The following CCNY variants were observed in gnomAD, a reference collection of about 807,000 sequenced individuals.
The protein encoded by CCNY is cyclin-Y.
A neutral mutation model predicts 42.8 loss-of-function variants in CCNY; 19 were observed. That is an observed-to-expected ratio of 0.44 (90% confidence interval 0.31 to 0.65). The LOEUF is 0.65. CCNY is among the 30% of genes least tolerant of loss of function. The pLI, the probability that CCNY is intolerant of heterozygous loss-of-function variation, is 0.07. For synonymous variants in CCNY, 165 were observed against 162.7 expected (o/e 1.01, Z -0.11); for missense variants, 370 against 437.3 (o/e 0.85, Z 1.37).
At position 35,435,401 on chromosome 10, in the gene CCNY, G is replaced by A. The variant is rs535448590; in HGVS notation, c.155-48003G>A. On this transcript the variant is annotated intron_variant, in intron 1 of 9. Transcript: ENST00000374704. ...TGTAAGGGATTAAGCCCAATGTGTG[G>A]AATAAACCTGCCCCATACCCTTGGG... 2.0e-5 allele frequency among the ~76,000 whole-genome samples: 3 copies of A among 152,312 alleles called. No homozygotes were observed. The South Asian group carries it at 6.2e-4, about 32-fold the overall frequency.
chr10:35,546,861 T>C (rs926991497), intron 7 of CCNY, among the ~76,000 whole-genome samples: 2 of 152,168 alleles, frequency 1.3e-5, no homozygotes, highest in Non-Finnish European at 2.9e-5. Flanking sequence ...ATAGTCAGCT[T>C]TTTGTATTGA....
In CCNY at chr10:35,337,005, C is replaced by A; in HGVS notation, c.-49C>A. On this transcript the variant is annotated 5_prime_UTR_variant, in exon 1 of 10. Coordinates refer to ENST00000374704, the MANE Select transcript of CCNY (RefSeq NM_145012.6). ...CCCGCGTCCACCCGCGCCCCGCTCC[C>A]GGGGACTGGGAGAACAGGATAGCAG... 1.5e-6 allele frequency: 2 copies of A among 1,368,314 alleles called. No homozygotes were observed. Among genetic ancestry groups the A allele is most frequent in the African/African-American group, 3.0e-5 (2 of 67,712 alleles). 84.8% of individuals were successfully genotyped at this position (1,368,314 alleles called of 1,614,324 possible).
At chr10:35,330,610 T>C (rs941257701) in intron 3 of CCNY, among the ~76,000 whole-genome samples, 1 of 152,226 alleles carries the variant, frequency 6.6e-6, no homozygotes, top group Non-Finnish European at 1.5e-5. Flanking sequence ...ACACACAGTT[T>C]ATTTCTCTCA....
At chr10:35,534,397 C>T (rs1840836499) in intron 7 of CCNY, among the ~76,000 whole-genome samples, 1 of 152,096 alleles carries the variant, frequency 6.6e-6, no homozygotes, top group African/African-American at 2.4e-5. Context: ...CTTGATTGAG[C>T]ATTCCGTGTG....
intron 9 of CCNY, among the ~76,000 whole-genome samples, chr10:35,568,543 A>T (rs1348370089): frequency 6.6e-6 from 1 of 152,212 alleles, no homozygotes; most frequent in Non-Finnish European, 1.5e-5. Context: ...TCTAGAGGTG[A>T]CTTAAGTCCT....
At chr10:35,380,684 C>T (rs1393747491) in intron 1 of CCNY, among the ~76,000 whole-genome samples, 1 of 152,146 alleles carries the variant, frequency 6.6e-6, no homozygotes, top group Admixed American at 6.5e-5. Context: ...TATTTCCTCT[C>T]TTGAAGATGA....
intron 3 of CCNY, among the ~76,000 whole-genome samples, chr10:35,302,612 G>A (rs1048467580): frequency 2.6e-5 from 4 of 151,918 alleles, no homozygotes; most frequent in African/African-American, 9.7e-5. Context: ...CGCCCGCCCC[G>A]ACATGTTAAT....
rs1398561922 is a variant in CCNY, at chr10:35,258,148, G to A, written c.-9+7522G>A. On this transcript the variant is annotated intron_variant, in intron 3 of 11. Coordinates refer to the CCNY transcript ENST00000374706. ...TGCACTCCAGCCTGGGCGACAGAGTGAGACTCTGTCTCTAAATAAATAAAT... is the reference window on the plus strand; with the variant it reads ...TGCACTCCAGCCTGGGCGACAGAGTAAGACTCTGTCTCTAAATAAATAAAT... Among the ~76,000 whole-genome samples, 3 of 152,274 alleles carry A rather than the reference G, an allele frequency of 2.0e-5. No individual in the cohort carries two copies. In the East Asian group the frequency reaches 5.8e-4, roughly 29 times the overall value.
Position 35,488,123 on chromosome 10 carries a change from C to T in CCNY, c.229+4645C>T, listed in dbSNP as rs148221974. 6.8e-4 allele frequency among the ~76,000 whole-genome samples: 103 copies of T among 152,304 alleles called. No homozygotes were observed. In the East Asian group the frequency reaches 0.018, roughly 27 times the overall value. ...CTAAGTTTGCGGAATCTGTGTTTCTCAGGAGTCCCTTGAAATAATTAAAGG... is the reference window on the plus strand; with the variant it reads ...CTAAGTTTGCGGAATCTGTGTTTCTTAGGAGTCCCTTGAAATAATTAAAGG... On this transcript the variant is annotated intron_variant, in intron 2 of 9. Transcript: ENST00000374704.
intron 1 of CCNY, among the ~76,000 whole-genome samples, chr10:35,431,561 C>T (rs909862735): frequency 2.0e-5 from 3 of 150,924 alleles, no homozygotes; most frequent in Non-Finnish European, 4.4e-5. Context: ...TTGCTCTAAC[C>T]TTTGAATTCT....
At chr10:35,367,830 C>G (rs1284720515) in intron 1 of CCNY, among the ~76,000 whole-genome samples, 1 of 152,216 alleles carries the variant, frequency 6.6e-6, no homozygotes, top group Non-Finnish European at 1.5e-5. Context: ...TGAAATATTT[C>G]GTTTAACAAA....
intron 3 of CCNY, among the ~76,000 whole-genome samples, chr10:35,304,305 T>G (rs564815742): frequency 1.9e-5 from 1 of 51,552 alleles, no homozygotes; most frequent in East Asian, 5.4e-4. Flanking sequence ...TTTTTTTTTT[T>G]TTTTTATTTT....
chr10:35,381,645 A>T (rs931011179), intron 1 of CCNY, among the ~76,000 whole-genome samples: 1 of 152,132 alleles, frequency 6.6e-6, no homozygotes, highest in African/African-American at 2.4e-5. Context: ...AGCCCTAAAC[A>T]CATGGGGATT....
At chr10:35,494,243 C>CCCA (rs1839962391) in intron 2 of CCNY, among the ~76,000 whole-genome samples, 1 of 145,916 alleles carries the variant, frequency 6.9e-6, no homozygotes, top group Non-Finnish European at 1.5e-5. Context: ...GACCCCCCCC[C>CCCA]CCATTTCTAC....
chr10:35,496,732 G>A (rs942442246), intron 2 of CCNY, among the ~76,000 whole-genome samples: 1 of 152,196 alleles, frequency 6.6e-6, no homozygotes, highest in African/African-American at 2.4e-5. Flanking sequence ...GCCTACCTAT[G>A]ACAGGAATCA....
intron 3 of CCNY, among the ~76,000 whole-genome samples, chr10:35,277,109 T>C (rs1293505908): frequency 6.6e-6 from 1 of 152,172 alleles, no homozygotes; most frequent in Non-Finnish European, 1.5e-5. Context: ...TGTGCTCTCT[T>C]TCTTCCCTTG....
At chr10:35,542,162 A>G (rs540695230) in intron 7 of CCNY, among the ~76,000 whole-genome samples, 1 of 148,708 alleles carries the variant, frequency 6.7e-6, no homozygotes, top group African/African-American at 2.5e-5. Flanking sequence ...TGGCTGTGAT[A>G]GTTTCTCAGG....
chr10:35,486,626 C>T lies in CCNY; in HGVS notation c.229+3148C>T, dbSNP rs542486574. 3.3e-5 allele frequency among the ~76,000 whole-genome samples: 5 copies of T among 152,322 alleles called. No homozygotes were observed. In the East Asian group the frequency reaches 9.6e-4, roughly 29 times the overall value. On this transcript the variant is annotated intron_variant, in intron 2 of 9. Transcript: ENST00000374704. ...TGCCACTGGCTTCCTTAACCTTTCT[C>T]AAGGGCTCCCCAGTTGCTTTAGAGT... is the stretch of plus-strand genomic sequence containing the variant.
intron 8 of CCNY, among the ~76,000 whole-genome samples, chr10:35,554,657 CCAG>C (rs1488140297): frequency 2.6e-5 from 4 of 152,108 alleles, no homozygotes; most frequent in Admixed American, 2.6e-4. Context: ...TGATACATGA[CCAG>C]TGACTTGGTT....
Sources: allele counts gnomAD v4.1 joint callset (sites outside exome capture counted in the v4.1 genomes callset), GRCh38; gene constraint gnomAD v4.1.1; transcripts MANE v1.5; gene names NCBI Gene and HGNC (gene_info 2026-07-23, HGNC 2026-07-21).